Variants in RP1 observed in about 807,000 individuals in gnomAD.
RP1 encodes the protein RP1 axonemal microtubule associated.
A neutral mutation model predicts 14.8 loss-of-function variants in RP1; 16 were observed. The ratio of observed to expected loss-of-function variants is 1.08; its 90% CI spans 0.73 to 1.65. The LOEUF is 1.65. RP1 is among the 40% of genes most tolerant of loss of function. The pLI is 0.00. For synonymous variants in RP1, 876 were observed against 883.6 expected (o/e 0.99, Z 0.15); for missense variants, 2,631 against 2,535.0 (o/e 1.04, Z -0.81).
upstream of RP1, among the ~76,000 whole-genome samples, chr8:54,611,154 C>A (rs2129309923): frequency 6.6e-6 from 1 of 152,250 alleles, no homozygotes; most frequent in Non-Finnish European, 1.5e-5. Context: ...CCTTTTGATG[C>A]TTTAATGTAT....
intron 1 of RP1, among the ~76,000 whole-genome samples, chr8:54,578,218 T>C (rs1804703767): frequency 6.6e-6 from 1 of 152,116 alleles, no homozygotes; most frequent in Non-Finnish European, 1.5e-5. Flanking sequence ...TAATTTTTAT[T>C]TTTTTAGGGA....
At chr8:54,599,462 CTTT>C (rs34021495) in intron 1 of RP1, among the ~76,000 whole-genome samples, 33 of 141,056 alleles carry the variant, frequency 2.3e-4, no homozygotes, top group Non-Finnish European at 3.1e-4. Flanking sequence ...GACTGAAAGT[CTTT>C]TTTTTTTTTT....
chr8:54,648,524 C>G (rs1806592191), intron 3 of RP1, among the ~76,000 whole-genome samples: 1 of 151,970 alleles, frequency 6.6e-6, no homozygotes, highest in South Asian at 2.1e-4. Context: ...TCACCCAATT[C>G]CAGTTTAAAT....
chr8:54,767,808 C>A (rs934405775), intron 22 of RP1, among the ~76,000 whole-genome samples: 1 of 152,106 alleles, frequency 6.6e-6, no homozygotes, highest in Non-Finnish European at 1.5e-5. Flanking sequence ...TAGGGGCTAA[C>A]AAAATGTGCA....
At chr8:54,770,373 T>G (rs1809871706), downstream of RP1, among the ~76,000 whole-genome samples, 1 of 151,892 alleles carries the variant, frequency 6.6e-6, no homozygotes, top group Admixed American at 6.6e-5. Flanking sequence ...GCTTTTTTCC[T>G]TAATGCTTCT....
intron 24 of RP1, among the ~76,000 whole-genome samples, chr8:54,803,757 T>A (rs1202375021): frequency 6.6e-6 from 1 of 152,166 alleles, no homozygotes; most frequent in Non-Finnish European, 1.5e-5. Context: ...ATTACATGTA[T>A]ACATGGTTTT....
rs920500917 is a variant in RP1 at position 54,724,890 on chromosome 8, C to T, written c.2390-1455C>T. Among the ~76,000 whole-genome samples, 6 of 152,172 alleles carry T rather than the reference C, an allele frequency of 3.9e-5. No individual in the cohort carries two copies. In the East Asian group the frequency reaches 7.7e-4, roughly 20 times the overall value. On this transcript the variant is annotated intron_variant, in intron 16 of 22. Transcript: ENST00000636932. Reference sequence around the variant, plus strand: ...GTGGGGAGGATAGAGAGGTAAAATGCTCATTCTTGTTTCACAGTTCTGCAT... The same window carrying T: ...GTGGGGAGGATAGAGAGGTAAAATGTTCATTCTTGTTTCACAGTTCTGCAT...
intron 3 of RP1, among the ~76,000 whole-genome samples, chr8:54,644,593 C>G (rs1806510682): frequency 6.6e-6 from 1 of 152,104 alleles, no homozygotes; most frequent in African/African-American, 2.4e-5. Flanking sequence ...ATGCTGTTAG[C>G]AAGAGGTTGT....
chr8:54,626,474 A>G lies in RP1; in HGVS notation c.2592A>G (p.Ile864Met), dbSNP rs1274819507. ...TTTCAAAAGTTACTGATTCACACATAACTTTAAAAAGCCAGAAAAAACGTA... is the reference window on the plus strand; with the variant it reads ...TTTCAAAAGTTACTGATTCACACATGACTTTAAAAAGCCAGAAAAAACGTA... ...SLVSKVTDSHITLKSQKKRKG... is the reference protein window; with the variant it reads ...SLVSKVTDSHMTLKSQKKRKG... Residue 864 changes from isoleucine to methionine, a missense_variant, in exon 4 of 4, where the codon ATA becomes ATG. Ile to Met is a conservative substitution (Grantham distance 10). Coordinates refer to ENST00000220676, the MANE Select transcript of RP1 (RefSeq NM_006269.2). The G allele has an allele frequency of 6.2e-7, 1 of 1,613,748 alleles. No individual in the cohort carries two copies. Among genetic ancestry groups the G allele is most frequent in the East Asian group, 2.2e-5 (1 of 44,822 alleles).
chr8:54,693,073 G>A (rs1563349469), intron 12 of RP1, among the ~76,000 whole-genome samples: 1 of 152,144 alleles, frequency 6.6e-6, no homozygotes. Context: ...ATTAAATAGG[G>A]AATCCTTTCC....
At chr8:54,766,462 G>A (rs1159661150) in intron 22 of RP1, among the ~76,000 whole-genome samples, 4 of 151,952 alleles carry the variant, frequency 2.6e-5, no homozygotes, top group Non-Finnish European at 5.9e-5. Context: ...GTCAGTTTAC[G>A]CCATTCCTTG....
intron 19 of RP1, among the ~76,000 whole-genome samples, chr8:54,739,786 T>C (rs1002919029): frequency 2.0e-4 from 31 of 152,090 alleles, no homozygotes; most frequent in South Asian, 6.2e-4. Flanking sequence ...CCACATAGGA[T>C]GTTTTGATTA....
chr8:54,787,332 G>A (rs974945625), intron 24 of RP1, among the ~76,000 whole-genome samples: 5 of 152,146 alleles, frequency 3.3e-5, no homozygotes, highest in African/African-American at 1.2e-4. Context: ...TAGTTCACTT[G>A]CTAACCCTTG....
At chr8:54,685,903 AG>A (rs1325094236) in intron 12 of RP1, among the ~76,000 whole-genome samples, 1 of 152,210 alleles carries the variant, frequency 6.6e-6, no homozygotes, top group Non-Finnish European at 1.5e-5. Context: ...AAAGGAAACC[AG>A]GCAGCCATGC....
intron 7 of RP1, among the ~76,000 whole-genome samples, chr8:54,666,325 G>A (rs1465977526): frequency 6.6e-6 from 1 of 151,968 alleles, no homozygotes; most frequent in Non-Finnish European, 1.5e-5. Context: ...GGGTATTTTT[G>A]CCTGCTTGCT....
intron 1 of RP1, among the ~76,000 whole-genome samples, chr8:54,563,365 G>A (rs1368441651): frequency 6.6e-6 from 1 of 152,262 alleles, no homozygotes; most frequent in Non-Finnish European, 1.5e-5. Flanking sequence ...GTGGAGGGCA[G>A]CGAGTCAGGG....
chr8:54,817,348 G>A (rs1425670421), intron 24 of RP1, among the ~76,000 whole-genome samples: 1 of 152,160 alleles, frequency 6.6e-6, no homozygotes, highest in East Asian at 1.9e-4. Context: ...CATGCTTTTG[G>A]AGGAGATGGG....
chr8:54,621,091 A>T lies in RP1; in HGVS notation c.125A>T (p.Lys42Met), dbSNP rs1254310468. Residue 42 changes from lysine to methionine, a missense_variant, in exon 2 of 4, where the codon AAG becomes ATG. Transcript: ENST00000220676. ...GTGGCCAAGCGAATCAGTTTCTACAAGAGCGGAGACCCCCAATTCGGCGGG... is the reference window on the plus strand; with the variant it reads ...GTGGCCAAGCGAATCAGTTTCTACATGAGCGGAGACCCCCAATTCGGCGGG... ...PVVAKRISFYKSGDPQFGGVR... is the reference protein window; with the variant it reads ...PVVAKRISFYMSGDPQFGGVR... 1 of 1,614,052 alleles carries T rather than the reference A, an allele frequency of 6.2e-7. No homozygotes were observed. The highest frequency in any genetic ancestry group is 1.3e-5 in the African/African-American group (1 of 74,920).
chr8:54,631,083 C>T (rs1290316447), downstream of RP1, among the ~76,000 whole-genome samples: 1 of 152,128 alleles, frequency 6.6e-6, no homozygotes, highest in African/African-American at 2.4e-5. Context: ...ACAACTAACT[C>T]AAATTAGAAT....
Sources: allele counts gnomAD v4.1 joint callset (sites outside exome capture counted in the v4.1 genomes callset), GRCh38; gene constraint gnomAD v4.1.1; transcripts MANE v1.5; gene names NCBI Gene and HGNC (gene_info 2026-07-23, HGNC 2026-07-21).